PRORP: variants seen among roughly 807,000 people sequenced by gnomAD.
PRORP encodes the protein mitochondrial ribonuclease P catalytic subunit.
Under a neutral mutation model 59.4 loss-of-function variants are expected in PRORP, and 51 were observed. The observed-to-expected ratio is 0.86, with a 90% CI of 0.69 to 1.08. The LOEUF (loss-of-function observed/expected upper bound fraction) is 1.08, where lower values mean the gene tolerates loss of function less well. Among genes scored for constraint, PRORP ranks in the 50% least tolerant of loss-of-function variants. The pLI, the probability that PRORP is intolerant of heterozygous loss-of-function variation, is 0.00. For synonymous variants in PRORP, 231 were observed against 245.6 expected (o/e 0.94, Z 0.55); for missense variants, 646 against 690.3 (o/e 0.94, Z 0.72).
intron 7 of PRORP, among the ~76,000 whole-genome samples, chr14:35,273,055 G>A (rs948439659): frequency 7.9e-5 from 12 of 151,910 alleles, no homozygotes; most frequent in Admixed American, 2.0e-4. Flanking sequence ...GTTTTGTTTC[G>A]TTTTGTTTTC....
At chr14:35,204,085 A>G (rs1268763762) in intron 5 of PRORP, among the ~76,000 whole-genome samples, 2 of 152,212 alleles carry the variant, frequency 1.3e-5, no homozygotes, top group African/African-American at 2.4e-5. Context: ...GGCAACCACA[A>G]AAAACTTCCT....
At chr14:35,153,251 G>T (rs1275951734) in intron 4 of PRORP, among the ~76,000 whole-genome samples, 1 of 152,236 alleles carries the variant, frequency 6.6e-6, no homozygotes, top group Non-Finnish European at 1.5e-5. Flanking sequence ...CCAGTCAGGC[G>T]TGGCGGTGCG....
intron 4 of PRORP, among the ~76,000 whole-genome samples, chr14:35,143,028 A>G (rs2047519134): frequency 6.9e-6 from 1 of 145,188 alleles, no homozygotes; most frequent in African/African-American, 2.4e-5. Flanking sequence ...TGTAAAAAGT[A>G]CTTCTTTGTA....
intron 5 of PRORP, among the ~76,000 whole-genome samples, chr14:35,182,418 G>A (rs1184611215): frequency 4.6e-5 from 7 of 152,094 alleles, no homozygotes; most frequent in African/African-American, 1.7e-4. Flanking sequence ...GCCAAGGCGG[G>A]TGGATCACCT....
rs2051282328 is a variant in PRORP, at chr14:35,275,475, C to T, written c.*1909C>T. The T allele has an allele frequency of 6.6e-6, 1 of 152,088 alleles. No individual in the cohort carries two copies. The highest frequency in any genetic ancestry group is 2.1e-4 in the South Asian group (1 of 4,814). 9.4% of individuals were successfully genotyped at this position (152,088 alleles called of 1,614,324 possible). The stretch of plus-strand genomic sequence containing the variant: ...AGAGCATTAAAAGATACTGCAAAAG[C>T]TCTAATAAATTCAGTCTGCTTATTT... On this transcript the variant is annotated 3_prime_UTR_variant, in exon 8 of 8. Coordinates refer to ENST00000534898, the MANE Select transcript of PRORP (RefSeq NM_014672.4).
intron 4 of PRORP, among the ~76,000 whole-genome samples, chr14:35,132,026 G>A (rs1010635720): frequency 2.0e-5 from 3 of 151,206 alleles, no homozygotes; most frequent in South Asian, 2.1e-4. Flanking sequence ...TTTTAGTAGC[G>A]ACGGGTTTCA....
chr14:35,231,869 A>G (rs1191195897), intron 5 of PRORP, among the ~76,000 whole-genome samples: 2 of 152,220 alleles, frequency 1.3e-5, no homozygotes, highest in Non-Finnish European at 2.9e-5. Context: ...GATAAATAAA[A>G]CAGAATGAAA....
chr14:35,180,915 T>C lies in PRORP; in HGVS notation c.1275+138T>C, dbSNP rs181624019. ...TCTTCAGGGTGCCACAGTGACCAAC[T>C]GCATGCTCCCCTAAGATTTACTATT... On this transcript the variant is annotated intron_variant, in intron 5 of 7. Transcript: ENST00000534898. 600 of 608,560 alleles carry C rather than the reference T, an allele frequency of 9.9e-4. 18 individuals carry two copies. In the Admixed American group the frequency reaches 0.018, roughly 18 times the overall value. The allele number at this position is 608,560 out of a possible 1,614,324, so 37.7% of individuals were successfully genotyped here.
chr14:35,272,330 A>G (rs999046011), intron 7 of PRORP, among the ~76,000 whole-genome samples: 10 of 152,120 alleles, frequency 6.6e-5, no homozygotes, highest in Non-Finnish European at 1.5e-4. Flanking sequence ...TAAGTAAGAA[A>G]GGCTGGGTGC....
chr14:35,237,577 T>C (rs937027527), intron 5 of PRORP, among the ~76,000 whole-genome samples: 21 of 152,314 alleles, frequency 1.4e-4, no homozygotes, highest in African/African-American at 5.1e-4. Flanking sequence ...CAATTTACAG[T>C]TAATGTTTTG....
chr14:35,146,912 TG>T (rs1179184908), intron 4 of PRORP, among the ~76,000 whole-genome samples: 1 of 152,092 alleles, frequency 6.6e-6, no homozygotes, highest in Non-Finnish European at 1.5e-5. Flanking sequence ...GGGAACATAG[TG>T]AGATCCCATC....
At chr14:35,227,443 C>CAA (rs540951640) in intron 5 of PRORP, among the ~76,000 whole-genome samples, 1 of 138,138 alleles carries the variant, frequency 7.2e-6, no homozygotes, top group South Asian at 2.3e-4. Context: ...GACTCTGTCT[C>CAA]AAAAAAAAAA....
intron 4 of PRORP, among the ~76,000 whole-genome samples, chr14:35,180,231 C>T (rs1216983729): frequency 1.3e-5 from 2 of 152,190 alleles, no homozygotes. Context: ...AACCACTGCT[C>T]TCTTCAAAGC....
In PRORP at chr14:35,151,776, C is replaced by T. The variant is rs530790474; in HGVS notation, c.1167+24165C>T. Reference sequence around the variant, plus strand: ...TTAGAACACTGTTGTATCCTCATAACTCAGAATAGTGCTTTACATAAAGAT... The same window carrying T: ...TTAGAACACTGTTGTATCCTCATAATTCAGAATAGTGCTTTACATAAAGAT... On this transcript the variant is annotated intron_variant, in intron 4 of 7. Coordinates refer to ENST00000534898, the MANE Select transcript of PRORP (RefSeq NM_014672.4). Among the ~76,000 whole-genome samples, 8 of 152,120 alleles carry T rather than the reference C, an allele frequency of 5.3e-5. No homozygotes were observed. In the East Asian group the frequency reaches 1.5e-3, roughly 29 times the overall value.
chr14:35,194,111 G>T (rs769001779), intron 5 of PRORP, among the ~76,000 whole-genome samples: 19 of 152,148 alleles, frequency 1.2e-4, no homozygotes, highest in Non-Finnish European at 2.5e-4. Context: ...AGAAGAGAGA[G>T]ACTGCTGTCC....
At chr14:35,181,558 G>GT (rs2048606984) in intron 5 of PRORP, among the ~76,000 whole-genome samples, 1 of 152,162 alleles carries the variant, frequency 6.6e-6, no homozygotes, top group Non-Finnish European at 1.5e-5. Flanking sequence ...GCCAAGGTGG[G>GT]TGGATCATCA....
rs148206611 is a variant in PRORP, at chr14:35,233,261, G to A, written c.1276-33466G>A. Among the ~76,000 whole-genome samples, 67 of 149,806 alleles carry A rather than the reference G, an allele frequency of 4.5e-4. 3 individuals are homozygous for A. Among genetic ancestry groups the A allele is most frequent in the Non-Finnish European group, 6.8e-4 (46 of 67,676 alleles). ...CTGATAGGTACTTACCATCGGCTACGGCATTGCATAACTCTAGAGTATTAT... is the reference window on the plus strand; with the variant it reads ...CTGATAGGTACTTACCATCGGCTACAGCATTGCATAACTCTAGAGTATTAT... On this transcript the variant is annotated intron_variant, in intron 5 of 7. Coordinates refer to ENST00000534898, the MANE Select transcript of PRORP (RefSeq NM_014672.4).
chr14:35,123,072 C>A lies in PRORP; in HGVS notation c.-174C>A. Reference sequence around the variant, plus strand: ...TAGAGAAAACTCACCTGCCTTCTTGCTTTTAAGTAGCCCCAAAAGCAGAAC... The same window carrying A: ...TAGAGAAAACTCACCTGCCTTCTTGATTTTAAGTAGCCCCAAAAGCAGAAC... On this transcript the variant is annotated 5_prime_UTR_variant, in exon 2 of 8. The change creates a premature stop within an existing upstream ORF in the 5' untranslated region. Coordinates refer to ENST00000534898, the MANE Select transcript of PRORP (RefSeq NM_014672.4). 2.9e-6 allele frequency: 2 copies of A among 683,520 alleles called. No homozygotes were observed. Among genetic ancestry groups the A allele is most frequent in the Non-Finnish European group, 4.8e-6 (2 of 416,662 alleles). The allele number at this position is 683,520 out of a possible 1,614,324, so 42.3% of individuals were successfully genotyped here. A position where few individuals can be genotyped will look rare whatever the true frequency, so the allele number is the denominator to read the frequency against.
In PRORP at chr14:35,196,329, A is replaced by G. The variant is rs141785359; in HGVS notation, c.1275+15552A>G. Among the ~76,000 whole-genome samples the G allele has an allele frequency of 9.1e-3, 1,392 of 152,184 alleles. 18 individuals carry two copies. Among genetic ancestry groups the G allele is most frequent in the African/African-American group, 0.031 (1,298 of 41,498 alleles). On this transcript the variant is annotated intron_variant, in intron 5 of 7. Coordinates refer to ENST00000534898, the MANE Select transcript of PRORP (RefSeq NM_014672.4). ...CCTGCCCCCTGCCATGTCTACGAAAAATAAATTTTTAAAAATAAGCTGGGT... is the reference window on the plus strand; with the variant it reads ...CCTGCCCCCTGCCATGTCTACGAAAGATAAATTTTTAAAAATAAGCTGGGT...
Sources: gnomAD v4.1 joint callset for allele counts (sites outside exome capture counted in the v4.1 genomes callset) on GRCh38, gnomAD v4.1.1 for gene constraint, MANE v1.5 for transcripts, NCBI Gene and HGNC (gene_info 2026-07-23, HGNC 2026-07-21) for gene names.